RREB1: variants seen among roughly 807,000 people sequenced by gnomAD.
RREB1 encodes ras-responsive element-binding protein 1.
RREB1 carries 27 observed loss-of-function variants against 117.8 expected under a neutral mutation model. The observed-to-expected ratio is 0.23, with a 90% CI of 0.17 to 0.32. The LOEUF is 0.32. Among genes scored for constraint, RREB1 ranks in the 10% least tolerant of loss-of-function variants. RREB1 has a pLI of 1.00. For missense variants in RREB1, 2,577 were observed against 2,378.2 expected (o/e 1.08, Z -1.74); for synonymous variants, 1,298 against 1,026.7 (o/e 1.26, Z -5.05).
At chr6:7,173,515 AAAAG>A (rs974456182) in intron 1 of RREB1, among the ~76,000 whole-genome samples, 1 of 151,892 alleles carries the variant, frequency 6.6e-6, no homozygotes, top group African/African-American at 2.4e-5. Flanking sequence ...AAAAAAAAAA[AAAAG>A]AACTCTCAGG....
chr6:7,244,487 T>C (rs1768895875), intron 11 of RREB1, among the ~76,000 whole-genome samples: 1 of 152,202 alleles, frequency 6.6e-6, no homozygotes, highest in Non-Finnish European at 1.5e-5. Flanking sequence ...CCAATATCCA[T>C]TCTATAGATG....
At chr6:7,234,893 G>A (rs1011677207) in intron 10 of RREB1, among the ~76,000 whole-genome samples, 7 of 152,238 alleles carry the variant, frequency 4.6e-5, no homozygotes, top group Non-Finnish European at 8.8e-5. Flanking sequence ...TGTGCCCAGT[G>A]TGTCCTCTGT....
chr6:7,220,692 C>G (rs1372161650), intron 8 of RREB1, among the ~76,000 whole-genome samples: 1 of 152,208 alleles, frequency 6.6e-6, no homozygotes, highest in African/African-American at 2.4e-5. Context: ...GTCAAGATCT[C>G]TTGCAAAACG....
At chr6:7,238,038 T>C (rs1017197014) in intron 10 of RREB1, among the ~76,000 whole-genome samples, 2 of 152,204 alleles carry the variant, frequency 1.3e-5, no homozygotes, top group African/African-American at 2.4e-5. Context: ...GAGAAGCCGA[T>C]TGTTTTCTTT....
chr6:7,242,133 G>T (rs1768744272), intron 11 of RREB1, among the ~76,000 whole-genome samples: 1 of 152,216 alleles, frequency 6.6e-6, no homozygotes, highest in South Asian at 2.1e-4. Context: ...GTAACTGAGG[G>T]AGCTGAGGGG....
intron 8 of RREB1, among the ~76,000 whole-genome samples, chr6:7,220,875 A>G (rs913323709): frequency 2.6e-5 from 4 of 152,232 alleles, no homozygotes; most frequent in African/African-American, 9.6e-5. Context: ...TGTGGTCTTA[A>G]TGGAGATTGA....
rs142417329 is a variant in RREB1 at position 7,178,321 on chromosome 6, C to T, written c.-166+1548C>T. ...AAAATGTTAGTAATGGTCTTTTATT[C>T]CCCGAGATTGAGTATCAGAGGGTTT... On this transcript the variant is annotated intron_variant, in intron 2 of 12. Transcript: ENST00000379938. 2.6e-3 allele frequency among the ~76,000 whole-genome samples: 395 copies of T among 152,174 alleles called. 3 individuals are homozygous for T. Among genetic ancestry groups the T allele is most frequent in the African/African-American group, 9.0e-3 (373 of 41,520 alleles).
chr6:7,220,465 A>T (rs1300551030), intron 8 of RREB1, among the ~76,000 whole-genome samples: 1 of 152,156 alleles, frequency 6.6e-6, no homozygotes, highest in Non-Finnish European at 1.5e-5. Flanking sequence ...ATTTTAAAAG[A>T]AAAAGAAAGT....
At chr6:7,235,441 C>T (rs1768256728) in intron 10 of RREB1, among the ~76,000 whole-genome samples, 1 of 152,226 alleles carries the variant, frequency 6.6e-6, no homozygotes, top group Non-Finnish European at 1.5e-5. Context: ...AGCCACCCTG[C>T]AAACAAAGGT....
rs1298692879 is a variant in RREB1, at chr6:7,229,023, G to T, written c.924G>T (p.Arg308Ser). 1 of 1,536,268 alleles carries T rather than the reference G, an allele frequency of 6.5e-7. No homozygotes were observed. Among genetic ancestry groups the T allele is most frequent in the South Asian group, 1.3e-5 (1 of 79,550 alleles). Residue 308 changes from arginine (R) to serine (S), a missense_variant, in exon 10 of 13, where the codon AGG (arginine) becomes AGT (serine). Coordinates refer to ENST00000379938, the MANE Select transcript of RREB1 (RefSeq NM_001003699.4). This position sits in a 1 kb window ranked among gnomAD's most constrained non-coding sequence, Gnocchi z 4.5. ...SQAWCETNLR[R>S]CISEQHRFVC... is the part of the protein sequence containing the mutation. ...CCTGGTGCGAAACAAACCTGCGGAG[G>T]TGCATCAGCGAGCAACACCGTTTTG...
rs1184610753 is a variant in RREB1, at chr6:7,231,172, A to C, written c.3073A>C (p.Ser1025Arg). 6.2e-7 allele frequency: 1 copy of C among 1,611,726 alleles called. No homozygotes were observed. The highest frequency in any genetic ancestry group is 1.7e-5 in the Admixed American group (1 of 59,992). The change falls in exon 10 of 13, where the codon AGC becomes CGC. Residue 1025 changes from serine to arginine, a missense_variant. Transcript: ENST00000379938. ...CCCAATCTACTCCTCAGCCCTGGTC[A>C]GCAGCCCTCCACTCGTGGGCAGCTC... ...AVPIYSSALV[S>R]SPPLVGSSAL... is the part of the protein sequence containing the mutation.
intron 12 of RREB1, 47 bp downstream of exon 12, chr6:7,247,268 C>A (rs1363667821): frequency 6.5e-7 from 1 of 1,546,840 alleles, no homozygotes; most frequent in East Asian, 2.3e-5. Flanking sequence ...GGAGGCGAGC[C>A]GGGCACCTCT....
At chr6:7,114,544 G>A (rs145453343) in intron 1 of RREB1, among the ~76,000 whole-genome samples, 64 of 152,146 alleles carry the variant, frequency 4.2e-4, no homozygotes, top group African/African-American at 1.4e-3. Flanking sequence ...CCACATCTTG[G>A]AGTGCACAGA....
chr6:7,124,423 T>TGTCTCATGGTAGCTACCAGAA (rs1241235382), intron 1 of RREB1, among the ~76,000 whole-genome samples: 1 of 152,240 alleles, frequency 6.6e-6, no homozygotes, highest in Non-Finnish European at 1.5e-5. Context: ...TTGGCCAGCT[T>TGTCTCATGGTAGCTACCAGAA]GTCTCATGGT....
At chr6:7,124,257 G>A (rs1761811324) in intron 1 of RREB1, among the ~76,000 whole-genome samples, 1 of 152,160 alleles carries the variant, frequency 6.6e-6, no homozygotes, top group South Asian at 2.1e-4. Context: ...ATGCTGTGTG[G>A]TCATGTGTTC....
intron 1 of RREB1, among the ~76,000 whole-genome samples, chr6:7,128,828 G>A (rs1407538167): frequency 1.3e-5 from 2 of 152,148 alleles, no homozygotes; most frequent in Non-Finnish European, 2.9e-5. Flanking sequence ...AATTAGCCAG[G>A]TGTGGTGGTG....
chr6:7,117,388 G>GTTTTTTTTTT lies in RREB1; in HGVS notation c.-285+9356_-285+9365dup, dbSNP rs70978941. On this transcript the variant is annotated intron_variant, in intron 1 of 12. Coordinates refer to ENST00000379938, the MANE Select transcript of RREB1 (RefSeq NM_001003699.4). ...GGTGAACCATGTGAATAGGTTTCCT[G>GTTTTTTTTTT]TTTTTTTTTTTTTTTTTTTTTTTTT... 7.0e-4 allele frequency among the ~76,000 whole-genome samples: 44 copies of GTTTTTTTTTT among 63,294 alleles called. 5 individuals are homozygous for GTTTTTTTTTT. Among genetic ancestry groups the GTTTTTTTTTT allele is most frequent in the East Asian group, 4.1e-3 (4 of 976 alleles). The allele number at this position is 63,294 out of a possible 152,430, so 41.5% of individuals were successfully genotyped here.
intron 6 of RREB1, among the ~76,000 whole-genome samples, chr6:7,205,090 A>G (rs781624869): frequency 6.6e-6 from 1 of 152,198 alleles, no homozygotes; most frequent in Non-Finnish European, 1.5e-5. Context: ...GTCCTGGTCA[A>G]ATGGTTGACC....
Position 7,231,475 on chromosome 6 carries a change from T to C in RREB1, c.3376T>C (p.Ser1126Pro). 1 of 1,610,458 alleles carries C rather than the reference T, an allele frequency of 6.2e-7. No individual in the cohort carries two copies. The highest frequency in any genetic ancestry group is 8.5e-7 in the Non-Finnish European group (1 of 1,179,022). The change falls in exon 10 of 13, where the codon TCT becomes CCT. Residue 1126 changes from serine to proline, a missense_variant. Transcript: ENST00000379938. ...TPAATTSPKE[S>P]SEPPAPASSP... is the part of the protein sequence containing the mutation. ...CGCTGCCACCACCAGCCCAAAAGAG[T>C]CTAGTGAGCCTCCCGCTCCAGCCAG...
Sources: allele counts gnomAD v4.1 joint callset (sites outside exome capture counted in the v4.1 genomes callset), GRCh38; gene constraint gnomAD v4.1.1; non-coding constraint Gnocchi (gnomAD v3.1); transcripts MANE v1.5; gene names NCBI Gene and HGNC (gene_info 2026-07-23, HGNC 2026-07-21).